Variants in HMGXB4 observed in about 807,000 individuals in gnomAD.
HMGXB4 encodes the protein HMG-box containing 4.
HMGXB4 carries 27 observed loss-of-function variants against 63.9 expected under a neutral mutation model. The observed-to-expected ratio is 0.42, with a 90% CI of 0.31 to 0.58. The LOEUF is 0.58. Ranked by LOEUF, HMGXB4 falls within the 20% of genes least tolerant of loss-of-function variation. The pLI is 0.13. For missense variants in HMGXB4, 624 were observed against 700.7 expected (o/e 0.89, Z 1.24); for synonymous variants, 264 against 265.3 (o/e 0.99, Z 0.05).
chr22:35,294,806 CTTCCTTCCTTCCCTGTTTCCTTCCCTCT>C lies in HMGXB4; in HGVS notation c.*1168_*1195del, dbSNP rs1178570757. 1 of 152,004 alleles carries C rather than the reference CTTCCTTCCTTCCCTGTTTCCTTCCCTCT, an allele frequency of 6.6e-6. No individual in the cohort carries two copies. Among genetic ancestry groups the C allele is most frequent in the East Asian group, 1.9e-4 (1 of 5,194 alleles). The allele number at this position is 152,004 out of a possible 1,614,324, so 9.4% of individuals were successfully genotyped here. A position where few individuals can be genotyped will look rare whatever the true frequency, so the allele number is the denominator to read the frequency against. On this transcript the variant is annotated 3_prime_UTR_variant, in exon 11 of 11. Transcript: ENST00000216106. ...TCTCCCTTCCGCCCTCCCTTCTTTC[CTTCCTTCCTTCCCTGTTTCCTTCCCTCT>C]TTCCTTCCTTCCTCCTGGTCTGTTC...
intron 5 of HMGXB4, among the ~76,000 whole-genome samples, chr22:35,281,379 G>A (rs1251307966): frequency 6.6e-6 from 1 of 152,178 alleles, no homozygotes; most frequent in South Asian, 2.1e-4. Context: ...CCCAGCACAG[G>A]TACTCAATAA....
At chr22:35,242,280 G>C in the HMGXB4 span, among the ~76,000 whole-genome samples, 1 of 152,204 alleles carries the variant, frequency 6.6e-6, no homozygotes, top group Non-Finnish European at 1.5e-5. Flanking sequence ...TGTGTTTTTT[G>C]AAGAATTGAT....
At chr22:35,275,213 G>A (rs564660724) in intron 5 of HMGXB4, among the ~76,000 whole-genome samples, 120 of 142,974 alleles carry the variant, frequency 8.4e-4, no homozygotes, top group Middle Eastern at 3.6e-3. Flanking sequence ...TCTGCCTCCC[G>A]GGTTTAAGTG....
chr22:35,274,729 G>GT (rs530426394), intron 5 of HMGXB4, among the ~76,000 whole-genome samples: 95 of 152,342 alleles, frequency 6.2e-4, no homozygotes, highest in African/African-American at 2.2e-3. Context: ...CATTGATGTG[G>GT]TGTGACAGAT....
chr22:35,271,478 G>T (rs921220509), intron 5 of HMGXB4, among the ~76,000 whole-genome samples: 4 of 152,206 alleles, frequency 2.6e-5, no homozygotes, highest in African/African-American at 9.6e-5. Flanking sequence ...ATTCAACATA[G>T]CTAAGTCGTT....
At chr22:35,241,709 G>A in the HMGXB4 span, among the ~76,000 whole-genome samples, 4 of 152,214 alleles carry the variant, frequency 2.6e-5, no homozygotes, top group Non-Finnish European at 5.9e-5. Context: ...TCCACTGGGG[G>A]CGTGTGTTCG....
At chr22:35,251,765 G>A in the HMGXB4 span, among the ~76,000 whole-genome samples, 3,780 of 152,292 alleles carry the variant, frequency 0.025, 157 homozygotes, top group African/African-American at 0.086. Context: ...TGTAAAACTT[G>A]ATGACTGGGT....
intron 3 of HMGXB4, among the ~76,000 whole-genome samples, chr22:35,263,430 C>G (rs980911535): frequency 4.6e-5 from 7 of 151,844 alleles, no homozygotes; most frequent in Admixed American, 4.6e-4. Context: ...ATTACAGGCG[C>G]GGGCCACCAC....
the HMGXB4 span, among the ~76,000 whole-genome samples, chr22:35,244,579 T>C: frequency 6.6e-6 from 1 of 152,256 alleles, no homozygotes; most frequent in African/African-American, 2.4e-5. Context: ...GGCATACTTA[T>C]ACTGGTCCAA....
chr22:35,261,211 G>A (rs1055101316), intron 1 of HMGXB4, among the ~76,000 whole-genome samples: 1 of 152,154 alleles, frequency 6.6e-6, no homozygotes, highest in African/African-American at 2.4e-5. Flanking sequence ...GCCGAGGTGG[G>A]TGGATCACGA....
At chr22:35,252,676 G>A (rs923033682), upstream of HMGXB4, among the ~76,000 whole-genome samples, 6 of 152,186 alleles carry the variant, frequency 3.9e-5, no homozygotes, top group Non-Finnish European at 5.9e-5. Context: ...GCATGAGCTG[G>A]CAAAAGTGGT....
In HMGXB4 at chr22:35,295,278, A is replaced by G. The variant is rs1458474003; in HGVS notation, c.*1627A>G. 6.6e-6 allele frequency: 1 copy of G among 152,260 alleles called. No homozygotes were observed. Among genetic ancestry groups the G allele is most frequent in the Non-Finnish European group, 1.5e-5 (1 of 68,048 alleles). 9.4% of individuals were successfully genotyped at this position (152,260 alleles called of 1,614,324 possible). On this transcript the variant is annotated 3_prime_UTR_variant, in exon 11 of 11. Coordinates refer to ENST00000216106, the MANE Select transcript of HMGXB4 (RefSeq NM_001003681.3). The stretch of plus-strand genomic sequence containing the variant: ...TGCTTAAAGGTAGTCTGGCTGCTGA[A>G]TCCCTTTCTCAGCTCAGAGCAGTTT...
Position 35,283,498 on chromosome 22 carries a change from G to GT in HMGXB4, c.1216-463dup, listed in dbSNP as rs1246893679. On this transcript the variant is annotated intron_variant, in intron 5 of 10. Transcript: ENST00000216106. ...GTGGTAAGTAACATGGATTAAAAAT[G>GT]TATTTTCCTGGCCAGGCATGGTGGC... 2.0e-5 allele frequency among the ~76,000 whole-genome samples: 3 copies of GT among 152,312 alleles called. No homozygotes were observed. The South Asian group carries it at 6.2e-4, about 32-fold the overall frequency.
intron 5 of HMGXB4, among the ~76,000 whole-genome samples, chr22:35,282,216 G>T (rs1405578677): frequency 1.3e-5 from 2 of 152,002 alleles, no homozygotes; most frequent in Non-Finnish European, 2.9e-5. Flanking sequence ...TCGCTCTGTC[G>T]CCCAGGCTGG....
intron 1 of HMGXB4, among the ~76,000 whole-genome samples, chr22:35,260,075 T>A (rs1922746723): frequency 6.6e-6 from 1 of 152,236 alleles, no homozygotes; most frequent in Admixed American, 6.5e-5. Context: ...GTTGCCCAAC[T>A]CTGTTTTATG....
At chr22:35,273,910 C>T (rs1301262709) in intron 5 of HMGXB4, among the ~76,000 whole-genome samples, 1 of 152,228 alleles carries the variant, frequency 6.6e-6, no homozygotes, top group Non-Finnish European at 1.5e-5. Flanking sequence ...CAGCCTACTT[C>T]ACTTACAAGG....
the HMGXB4 span, among the ~76,000 whole-genome samples, chr22:35,250,037 C>T: frequency 2.0e-5 from 2 of 97,578 alleles, 1 homozygote; most frequent in African/African-American, 5.2e-5. Context: ...CCAGAAAATG[C>T]CACTGCTTGT....
rs1925102854 is a variant in HMGXB4 at position 35,294,137 on chromosome 22, T to C, written c.*486T>C. On this transcript the variant is annotated 3_prime_UTR_variant, in exon 11 of 11. Transcript: ENST00000216106. ...GACTGAAAATTCAAAGCCTTTCAAT[T>C]TGAAGTGACCTAGGTGGGAGGTGAT... 2 of 152,758 alleles carry C rather than the reference T, an allele frequency of 1.3e-5. No individual in the cohort carries two copies. Among genetic ancestry groups the C allele is most frequent in the Admixed American group, 6.5e-5 (1 of 15,282 alleles). 9.5% of individuals were successfully genotyped at this position (152,758 alleles called of 1,614,324 possible).
chr22:35,293,137 G>C, intron 10 of HMGXB4, 23 bp downstream of exon 10: 2 of 1,614,090 alleles, frequency 1.2e-6, no homozygotes, highest in Non-Finnish European at 1.7e-6. Flanking sequence ...TGGATTTTTA[G>C]AGTCAGATCC....
Sources: allele counts gnomAD v4.1 joint callset (sites outside exome capture counted in the v4.1 genomes callset), GRCh38; gene constraint gnomAD v4.1.1; transcripts MANE v1.5; gene names NCBI Gene and HGNC (gene_info 2026-07-23, HGNC 2026-07-21).